The following LINGO2 variants were observed in gnomAD, a reference collection of about 807,000 sequenced individuals.
LINGO2 encodes leucine-rich repeat and immunoglobulin-like domain-containing nogo receptor-interacting protein 2.
In LINGO2, 14 loss-of-function variants were observed where a neutral mutation model predicts 30.6. The ratio of observed to expected loss-of-function variants is 0.46; its 90% CI spans 0.30 to 0.72. The LOEUF (loss-of-function observed/expected upper bound fraction) is 0.72. Ranked by LOEUF, LINGO2 falls within the 30% of genes least tolerant of loss-of-function variation. The pLI, the probability that LINGO2 is intolerant of heterozygous loss-of-function variation, is 0.07. For missense variants in LINGO2, 729 were observed against 751.7 expected (o/e 0.97, Z 0.35); for synonymous variants, 317 against 288.5 (o/e 1.10, Z -1.00).
chr9:28,243,196 G>A (rs988839993), intron 4 of LINGO2, among the ~76,000 whole-genome samples: 18 of 150,028 alleles, frequency 1.2e-4, no homozygotes, highest in African/African-American at 2.9e-4. Context: ...GGTAGCTCAC[G>A]CCTGTAATCC....
the LINGO2 span, among the ~76,000 whole-genome samples, chr9:29,132,890 T>G: frequency 6.6e-6 from 1 of 151,924 alleles, no homozygotes; most frequent in African/African-American, 2.4e-5. Context: ...CCTTTTTTTT[T>G]TACTGTTTTT....
At position 28,051,203 on chromosome 9, in the gene LINGO2, C is replaced by T. The variant is rs1359742936; in HGVS notation, c.-86-38798G>A. 2.0e-5 allele frequency among the ~76,000 whole-genome samples: 3 copies of T among 151,868 alleles called. 1 individual carries two copies. In the East Asian group the frequency reaches 5.8e-4, roughly 30 times the overall value. ...GATGCAGTTGAGGTCATGACTACAA[C>T]ACCATCAGCTAGTATAGTTTTCTCC... On this transcript the variant is annotated intron_variant, in intron 4 of 5. Transcript: ENST00000379992.
chr9:28,672,519 T>C (rs1829062251), upstream of LINGO2, among the ~76,000 whole-genome samples: 1 of 152,204 alleles, frequency 6.6e-6, no homozygotes, highest in Non-Finnish European at 1.5e-5. Flanking sequence ...GGCTTACATA[T>C]TGGATATCTC....
intron 3 of LINGO2, among the ~76,000 whole-genome samples, chr9:28,302,900 A>G (rs996473426): frequency 6.6e-6 from 1 of 152,190 alleles, no homozygotes; most frequent in African/African-American, 2.4e-5. Flanking sequence ...GCATGGGGTC[A>G]GAAAAGATAA....
At position 28,307,261 on chromosome 9, in the gene LINGO2, A is replaced by G. The variant is rs557433412; in HGVS notation, c.-245-11895T>C. On this transcript the variant is annotated intron_variant, in intron 3 of 5. Coordinates refer to ENST00000379992, the Ensembl canonical transcript of LINGO2. ...CAAGTGGGCTTCATCCCTGGGATGC[A>G]AGGCTGGTTCAATATATGTAAATCA... Among the ~76,000 whole-genome samples, 204 of 152,324 alleles carry G rather than the reference A, an allele frequency of 1.3e-3. 1 individual carries two copies. Among genetic ancestry groups the G allele is most frequent in the African/African-American group, 4.7e-3 (196 of 41,580 alleles).
intron 4 of LINGO2, among the ~76,000 whole-genome samples, chr9:28,202,568 C>G (rs564046399): frequency 2.0e-5 from 3 of 152,166 alleles, no homozygotes; most frequent in Admixed American, 6.5e-5. Context: ...CCGTCCCCCC[C>G]GCCAGAAAGG....
At chr9:28,132,247 G>A (rs1007526358) in intron 4 of LINGO2, among the ~76,000 whole-genome samples, 1 of 152,010 alleles carries the variant, frequency 6.6e-6, no homozygotes, top group Non-Finnish European at 1.5e-5. Flanking sequence ...TATTATATTG[G>A]CTAAATTATT....
the LINGO2 span, among the ~76,000 whole-genome samples, chr9:28,866,452 AC>A: frequency 6.6e-6 from 1 of 152,088 alleles, no homozygotes; most frequent in Non-Finnish European, 1.5e-5. Context: ...CACGGGGCAT[AC>A]AAAGTGATTC....
At chr9:28,039,220 A>G (rs944061309) in intron 4 of LINGO2, among the ~76,000 whole-genome samples, 6 of 152,188 alleles carry the variant, frequency 3.9e-5, no homozygotes, top group Non-Finnish European at 8.8e-5. Context: ...GTTTTCTATA[A>G]ATGTTTCCCA....
chr9:29,001,136 G>C, the LINGO2 span, among the ~76,000 whole-genome samples: 1 of 151,804 alleles, frequency 6.6e-6, no homozygotes, highest in African/African-American at 2.4e-5. Flanking sequence ...GTAGACTGCA[G>C]TGTTGAAACA....
intron 4 of LINGO2, among the ~76,000 whole-genome samples, chr9:28,257,244 A>C (rs1281974546): frequency 1.3e-5 from 2 of 151,918 alleles, no homozygotes; most frequent in Non-Finnish European, 2.9e-5. Context: ...TCTTAGACTT[A>C]TTCAGCTCAG....
At chr9:28,276,264 A>G (rs1823110520) in intron 4 of LINGO2, among the ~76,000 whole-genome samples, 1 of 152,178 alleles carries the variant, frequency 6.6e-6, no homozygotes. Flanking sequence ...TACACAGAGC[A>G]ACAGTCAGTC....
chr9:28,547,384 T>C (rs1322330654), intron 1 of LINGO2, among the ~76,000 whole-genome samples: 1 of 152,132 alleles, frequency 6.6e-6, no homozygotes, highest in Non-Finnish European at 1.5e-5. Flanking sequence ...ATGTTCCATT[T>C]GCATCTCTCT....
intron 2 of LINGO2, among the ~76,000 whole-genome samples, chr9:28,383,064 C>G (rs1821417426): frequency 6.6e-6 from 1 of 151,998 alleles, no homozygotes; most frequent in South Asian, 2.1e-4. Context: ...TAAGCCCAAT[C>G]CAGAGCTAAG....
intron 2 of LINGO2, among the ~76,000 whole-genome samples, chr9:28,429,702 T>A (rs1823567893): frequency 1.3e-5 from 2 of 152,214 alleles, no homozygotes; most frequent in Non-Finnish European, 2.9e-5. Context: ...CTAATTACCA[T>A]ACTCATCACC....
the LINGO2 span, among the ~76,000 whole-genome samples, chr9:28,760,957 T>TACACACACACATAC: frequency 1.7e-4 from 25 of 148,888 alleles, no homozygotes; most frequent in African/African-American, 6.2e-4. Context: ...CACACACACA[T>TACACACACACATAC]ACACACACAC....
chr9:28,088,929 A>T (rs991180954), intron 4 of LINGO2, among the ~76,000 whole-genome samples: 1 of 152,214 alleles, frequency 6.6e-6, no homozygotes, highest in African/African-American at 2.4e-5. Flanking sequence ...TCTCTGATAA[A>T]ACAGACTTTA....
At chr9:28,673,806 G>A (rs186817779), upstream of LINGO2, among the ~76,000 whole-genome samples, 3 of 151,938 alleles carry the variant, frequency 2.0e-5, no homozygotes, top group Admixed American at 1.3e-4. Flanking sequence ...GAACAAAAAC[G>A]TAAGAAGCAA....
chr9:28,052,195 A>G (rs1824708687), intron 4 of LINGO2, among the ~76,000 whole-genome samples: 1 of 152,104 alleles, frequency 6.6e-6, no homozygotes, highest in Non-Finnish European at 1.5e-5. Flanking sequence ...CTCAAAAGAA[A>G]ACCAAAATAT....
Sources: allele counts gnomAD v4.1 joint callset (sites outside exome capture counted in the v4.1 genomes callset), GRCh38; gene constraint gnomAD v4.1.1; transcripts MANE v1.5; gene names NCBI Gene and HGNC (gene_info 2026-07-23, HGNC 2026-07-21).